NFRKB: variants seen among roughly 807,000 people sequenced by gnomAD.
NFRKB encodes the protein nuclear factor related to kappa-B-binding protein.
NFRKB carries 62 observed loss-of-function variants against 135.7 expected under a neutral mutation model. The ratio of observed to expected loss-of-function variants is 0.46; its 90% CI spans 0.37 to 0.56. The LOEUF is 0.56. NFRKB is among the 20% of genes least tolerant of loss of function. The pLI is 0.00. For synonymous variants in NFRKB, 678 were observed against 635.6 expected, an observed-to-expected ratio of 1.07 and a Z score of -1.00; for missense variants, 1,545 against 1,662.0, an observed-to-expected ratio of 0.93 and a Z score of 1.22.
chr11:129,870,993 A>G (rs1948472227), intron 23 of NFRKB, among the ~76,000 whole-genome samples: 1 of 152,122 alleles, frequency 6.6e-6, no homozygotes, highest in African/African-American at 2.4e-5. Flanking sequence ...AAAACTACCT[A>G]TATAATCACC....
chr11:129,883,039 TCA>T, intron 9 of NFRKB, 81 bp downstream of exon 9: 1 of 1,234,144 alleles, frequency 8.1e-7, no homozygotes, highest in Non-Finnish European at 1.2e-6. Flanking sequence ...GGCCATGGTT[TCA>T]TTTATTTTTG....
At chr11:129,883,062 G>A (rs1949105510) in intron 9 of NFRKB, 60 bp downstream of exon 9, 1 of 1,493,262 alleles carries the variant, frequency 6.7e-7, no homozygotes, top group Admixed American at 1.7e-5. Flanking sequence ...CCATGTTATG[G>A]GCTCACGCAA....
chr11:129,868,606 C>T (rs1352117442), intron 24 of NFRKB, among the ~76,000 whole-genome samples: 1 of 152,198 alleles, frequency 6.6e-6, no homozygotes, highest in African/African-American at 2.4e-5. Context: ...CAGACACATT[C>T]GCCACTGCCT....
chr11:129,867,648 G>A (rs773283658), intron 24 of NFRKB, among the ~76,000 whole-genome samples: 55 of 152,260 alleles, frequency 3.6e-4, no homozygotes, highest in Non-Finnish European at 6.6e-4. Flanking sequence ...ACTATGTTAA[G>A]ATTTTCTGTT....
At chr11:129,866,632 A>AT (rs1363375861) in intron 24 of NFRKB, among the ~76,000 whole-genome samples, 4 of 152,028 alleles carry the variant, frequency 2.6e-5, no homozygotes, top group Admixed American at 2.0e-4. Context: ...CCTAAGAAGA[A>AT]TTTTTTTTAG....
In NFRKB at chr11:129,870,148, G is replaced by A. The variant is rs1348757870; in HGVS notation, c.2877C>T (p.Ser959=). 14 of 1,614,126 alleles carry A rather than the reference G, an allele frequency of 8.7e-6. No individual in the cohort carries two copies. The highest frequency in any genetic ancestry group is 5.3e-5 in the African/African-American group (4 of 74,938). ...GKDVLRLPPS[S]ITTDAKGQTV... ...TCTGGCCCTTGGCATCTGTGGTGAT[G>A]GAAGAGGGCGGCAGACGCAATACAT... Residue 959 remains serine, a synonymous_variant, in exon 24 of 27, where the codon TCC becomes TCT. Coordinates refer to ENST00000682444, the MANE Select transcript of NFRKB (RefSeq NM_001143835.2).
At chr11:129,885,914 A>C (rs1299498067) in intron 5 of NFRKB, among the ~76,000 whole-genome samples, 1 of 152,190 alleles carries the variant, frequency 6.6e-6, no homozygotes, top group African/African-American at 2.4e-5. Flanking sequence ...TGCCTCTAAG[A>C]ATTTCCAGGC....
chr11:129,884,710 T>C lies in NFRKB; in HGVS notation c.742+35A>G, dbSNP rs772739639. 4 of 1,611,694 alleles carry C rather than the reference T, an allele frequency of 2.5e-6. No individual in the cohort carries two copies. The African/African-American group carries it at 5.3e-5, about 22-fold the overall frequency. On this transcript the variant is annotated intron_variant, in intron 7 of 26. Transcript: ENST00000682444. Reference sequence around the variant, plus strand: ...GAGTTTTCAGGTCTCCACCGCAATGTCCCAGAATGGTGACAGCGGCAGCTT... The same window carrying C: ...GAGTTTTCAGGTCTCCACCGCAATGCCCCAGAATGGTGACAGCGGCAGCTT...
chr11:129,877,535 G>A (rs1292230016), intron 15 of NFRKB, 150 bp from the exon 16 acceptor site: 1 of 722,128 alleles, frequency 1.4e-6, no homozygotes. Context: ...CCACCTTCCA[G>A]CTCCTACGAA....
Position 129,884,778 on chromosome 11 carries a change from G to A in NFRKB, c.709C>T (p.Pro237Ser), listed in dbSNP as rs1472078048. ...PSPAVPLRVV[P>S]TLSTTDMKTA... ...TTCATATCCGTGGTTGAAAGTGTGGGCACCACCCGCAGGGGCACCGCAGGA... is the reference window on the plus strand; with the variant it reads ...TTCATATCCGTGGTTGAAAGTGTGGACACCACCCGCAGGGGCACCGCAGGA... The change falls in exon 7 of 27, where the codon CCC becomes TCC. Residue 237 changes from proline to serine, a missense_variant. Physicochemically the swap from Pro to Ser is moderately conservative, Grantham distance 74. This residue lies in a region of NFRKB where 678 missense variants were observed against 646.7 expected (regional missense o/e 1.05). Coordinates refer to ENST00000682444, the MANE Select transcript of NFRKB (RefSeq NM_001143835.2). 6.2e-7 allele frequency: 1 copy of A among 1,614,100 alleles called. No individual in the cohort carries two copies. Among genetic ancestry groups the A allele is most frequent in the Non-Finnish European group, 8.5e-7 (1 of 1,180,010 alleles).
chr11:129,884,832 G>A lies in NFRKB; in HGVS notation c.655C>T (p.Leu219Phe), dbSNP rs1189109475. Residue 219 changes from leucine to phenylalanine, a missense_variant, in exon 7 of 27, where the codon CTT becomes TTT. Around this residue, in one of 3 missense-constraint regions of NFRKB, gnomAD observed 678 missense variants for 646.7 expected, o/e 1.05. Transcript: ENST00000682444. ...GGAGAACGTGCTGGAGAGCTCGGAA[G>A]CCATGAGCTGAGATCTTCAAAAGAA... is the stretch of plus-strand genomic sequence containing the variant. ...SSDEEDLSSW[L>F]PSSPARSPSP... 4 of 1,614,236 alleles carry A rather than the reference G, an allele frequency of 2.5e-6. No homozygotes were observed. In the East Asian group the frequency reaches 8.9e-5, roughly 36 times the overall value.
At position 129,874,364 on chromosome 11, in the gene NFRKB, G is replaced by T. The variant is rs1216616556; in HGVS notation, c.2059-31C>A. ...ACGGAAGACAAAGAAAACTCACCTG[G>T]TGTCGTGAAGATCCCCCTAAAGGAA... is the stretch of plus-strand genomic sequence containing the variant. On this transcript the variant is annotated intron_variant, in intron 20 of 26. Transcript: ENST00000682444. The surrounding 1 kb of genome is among the most constrained non-coding windows in gnomAD (Gnocchi z 4.5). The T allele has an allele frequency of 2.0e-6, 3 of 1,519,404 alleles. No homozygotes were observed. Among genetic ancestry groups the T allele is most frequent in the Non-Finnish European group, 2.6e-6 (3 of 1,136,360 alleles). The allele number at this position is 1,519,404 out of a possible 1,614,324, so 94.1% of individuals were successfully genotyped here.
At chr11:129,884,210 C>A in intron 7 of NFRKB, 67 bp from the exon 8 acceptor site, 1 of 1,356,324 alleles carries the variant, frequency 7.4e-7, no homozygotes, top group South Asian at 1.2e-5. Context: ...TGGTCACTTT[C>A]AAAAGTAAGA....
chr11:129,877,051 G>C (rs1194873962), intron 16 of NFRKB, among the ~76,000 whole-genome samples, 156 bp from the exon 17 acceptor site: 1 of 152,144 alleles, frequency 6.6e-6, no homozygotes, highest in Non-Finnish European at 1.5e-5. Context: ...AACCACAGTG[G>C]GAAAAGGATG....
intron 2 of NFRKB, chr11:129,893,815 A>C (rs1187414387): frequency 6.6e-6 from 1 of 152,472 alleles, no homozygotes; most frequent in Non-Finnish European, 1.5e-5. Context: ...CAGAGGCAGT[A>C]CTGAAACTCA....
Position 129,869,541 on chromosome 11 carries a change from C to T in NFRKB, c.3484G>A (p.Val1162Met), listed in dbSNP as rs767369177. 5.9e-5 allele frequency: 96 copies of T among 1,613,548 alleles called. No individual in the cohort carries two copies. Among genetic ancestry groups the T allele is most frequent in the Admixed American group, 1.3e-4 (8 of 59,992 alleles). Reference sequence around the variant, plus strand: ...GTGGTGCTGACAGGGACCTGCCGCACGGTGGGGGCTCCTGTGCTGATGCTG... The same window carrying T: ...GTGGTGCTGACAGGGACCTGCCGCATGGTGGGGGCTCCTGTGCTGATGCTG... ...PISISTGAPT[V>M]RQVPVSTTVV... Residue 1162 changes from valine (V) to methionine (M), a missense_variant, in exon 24 of 27, where the codon GTG becomes ATG. Around this residue, in one of 3 missense-constraint regions of NFRKB, gnomAD observed 753 missense variants for 804.3 expected, o/e 0.94. Transcript: ENST00000682444.
intron 5 of NFRKB, 133 bp from the exon 6 acceptor site, chr11:129,885,742 T>C: frequency 1.3e-6 from 1 of 766,224 alleles, no homozygotes; most frequent in Non-Finnish European, 2.0e-6. Flanking sequence ...CAAAGAAAGA[T>C]GCACATATAT....
chr11:129,886,235 G>C, intron 5 of NFRKB, 82 bp downstream of exon 5: 1 of 1,499,728 alleles, frequency 6.7e-7, no homozygotes, highest in Non-Finnish European at 9.0e-7. Context: ...GGCAATTTTT[G>C]TGTTTTGCAC....
At position 129,882,688 on chromosome 11, in the gene NFRKB, G is replaced by C; in HGVS notation, c.902-57C>G. On this transcript the variant is annotated intron_variant, in intron 9 of 26. Coordinates refer to ENST00000682444, the MANE Select transcript of NFRKB (RefSeq NM_001143835.2). ...ATGTATCTCCTACACAGGGAAGTGA[G>C]GGGTCTTATCTGCATATTCTTTTCC... 1.9e-6 allele frequency: 3 copies of C among 1,539,896 alleles called. No individual in the cohort carries two copies. The South Asian group carries it at 3.6e-5, about 18-fold the overall frequency.
Sources: allele counts gnomAD v4.1 joint callset (sites outside exome capture counted in the v4.1 genomes callset), GRCh38; gene constraint gnomAD v4.1.1; regional missense constraint gnomAD v4.1.1; non-coding constraint Gnocchi (gnomAD v3.1); transcripts MANE v1.5; gene names NCBI Gene and HGNC (gene_info 2026-07-23, HGNC 2026-07-21).